The following SLC7A2 variants were observed in gnomAD, a reference collection of about 807,000 sequenced individuals.
SLC7A2 encodes solute carrier family 7 member 2, also known as cationic amino acid transporter 2.
A neutral mutation model predicts 58.9 loss-of-function variants in SLC7A2; 48 were observed. That is an observed-to-expected ratio of 0.82 (90% CI 0.65 to 1.04). The LOEUF is 1.04. Among genes scored for constraint, SLC7A2 ranks in the 50% least tolerant of loss-of-function variants. The pLI, the probability that SLC7A2 is intolerant of heterozygous loss-of-function variation, is 0.00. For missense variants in SLC7A2, 1,029 were observed against 818.8 expected (o/e 1.26, Z -3.13); for synonymous variants, 363 against 314.5 (o/e 1.15, Z -1.63).
chr8:17,535,700 C>T (rs1310202988), intron 2 of SLC7A2, among the ~76,000 whole-genome samples: 7 of 152,084 alleles, frequency 4.6e-5, no homozygotes, highest in African/African-American at 9.7e-5. Context: ...GTAGGGAGTT[C>T]GAAACCAGCC....
chr8:17,548,216 C>T (rs760031675), intron 4 of SLC7A2, among the ~76,000 whole-genome samples: 1 of 152,110 alleles, frequency 6.6e-6, no homozygotes, highest in African/African-American at 2.4e-5. Context: ...TGGCACACAC[C>T]TGTAGTCCCA....
chr8:17,549,561 C>T (rs543940250), intron 5 of SLC7A2, among the ~76,000 whole-genome samples: 1 of 152,338 alleles, frequency 6.6e-6, no homozygotes, highest in South Asian at 2.1e-4. Flanking sequence ...TTGAGTCCTG[C>T]ATCCTTTAGT....
intron 2 of SLC7A2, among the ~76,000 whole-genome samples, chr8:17,532,249 A>C (rs1182329512): frequency 1.1e-4 from 13 of 120,582 alleles, no homozygotes; most frequent in African/African-American, 3.4e-4. Flanking sequence ...AAAAAAAAAA[A>C]AAAAAAAAAA....
At position 17,567,048 on chromosome 8, in the gene SLC7A2, T is replaced by G. The variant is rs567986744; in HGVS notation, c.*1902T>G. 2.0e-5 allele frequency: 3 copies of G among 152,760 alleles called. No individual in the cohort carries two copies. Among genetic ancestry groups the G allele is most frequent in the African/African-American group, 7.2e-5 (3 of 41,562 alleles). The allele number at this position is 152,760 out of a possible 1,614,324, so 9.5% of individuals were successfully genotyped here. ...GTTTCTGGCTGCTAGCGTTATAGCA[T>G]CCATGACACAGAACTCATTACGGAC... On this transcript the variant is annotated 3_prime_UTR_variant, in exon 13 of 13. Transcript: ENST00000494857.
chr8:17,525,280 G>T (rs150160555), intron 2 of SLC7A2, among the ~76,000 whole-genome samples: 1 of 152,062 alleles, frequency 6.6e-6, no homozygotes, highest in Non-Finnish European at 1.5e-5. Flanking sequence ...GGGGATAACC[G>T]TGATCAGATG....
chr8:17,554,568 G>T lies in SLC7A2; in HGVS notation c.1064G>T (p.Gly355Val), dbSNP rs773033006. ...SLCALSTSLL[G>V]SIFPMPRVIY... is the part of the protein sequence containing the mutation. ...GTTTGCTTTTTATTCAGTCTTCTTG[G>T]ATCCATTTTCCCAATGCCTCGTGTA... Residue 355 changes from glycine (G) to valine (V), a missense_variant, in exon 8 of 13, where the codon GGA becomes GTA. Physicochemically the swap from Gly to Val is moderately radical, Grantham distance 109. Coordinates refer to ENST00000494857, the MANE Select transcript of SLC7A2 (RefSeq NM_001370338.1). 1 of 1,602,168 alleles carries T rather than the reference G, an allele frequency of 6.2e-7. No individual in the cohort carries two copies.
intron 2 of SLC7A2, among the ~76,000 whole-genome samples, chr8:17,535,293 C>T (rs1281134340): frequency 6.6e-6 from 1 of 152,132 alleles, no homozygotes; most frequent in Non-Finnish European, 1.5e-5. Context: ...GTCCCCACCG[C>T]CCCCTCCCGC....
intron 11 of SLC7A2, among the ~76,000 whole-genome samples, chr8:17,563,174 A>G (rs1803101627): frequency 1.3e-5 from 2 of 152,106 alleles, no homozygotes; most frequent in Admixed American, 1.3e-4. Flanking sequence ...TTGAACATTA[A>G]AAAGATAAGC....
chr8:17,507,386 TTG>T (rs1159014042), intron 2 of SLC7A2, among the ~76,000 whole-genome samples: 7 of 152,132 alleles, frequency 4.6e-5, no homozygotes, highest in South Asian at 4.1e-4. Context: ...ATTATTATTT[TTG>T]TGTGTGTGGA....
At chr8:17,530,831 C>G (rs140012076) in intron 2 of SLC7A2, among the ~76,000 whole-genome samples, 266 of 152,188 alleles carry the variant, frequency 1.7e-3, no homozygotes, top group African/African-American at 6.2e-3. Context: ...CTTGGCCCCC[C>G]AAAGTGCTGG....
At chr8:17,506,380 A>T (rs1800364096) in intron 2 of SLC7A2, among the ~76,000 whole-genome samples, 2 of 152,228 alleles carry the variant, frequency 1.3e-5, no homozygotes. Context: ...TGGTTATATC[A>T]CTATAAAAAT....
rs201142831 is a variant in SLC7A2, at chr8:17,564,976, A to G, written c.1807A>G (p.Ile603Val). Reference sequence around the variant, plus strand: ...CTTCCTGATTTACTTTTCTTATGGCATTAGACACAGCCTGGAGGGTCATCT... The same window carrying G: ...CTTCCTGATTTACTTTTCTTATGGCGTTAGACACAGCCTGGAGGGTCATCT... The part of the protein sequence containing the change: ...IGFLIYFSYG[I>V]RHSLEGHLRD... Residue 603 changes from isoleucine to valine, a missense_variant, in exon 13 of 13, where the codon ATT becomes GTT. By Grantham distance (29) the Ile-to-Val change is conservative. Coordinates refer to ENST00000494857, the MANE Select transcript of SLC7A2 (RefSeq NM_001370338.1). 5 of 1,609,356 alleles carry G rather than the reference A, an allele frequency of 3.1e-6. No individual in the cohort carries two copies. Among genetic ancestry groups the G allele is most frequent in the Middle Eastern group, 1.7e-4 (1 of 6,042 alleles).
chr8:17,508,211 G>A (rs1173749473), intron 2 of SLC7A2, among the ~76,000 whole-genome samples: 1 of 152,072 alleles, frequency 6.6e-6, no homozygotes, highest in African/African-American at 2.4e-5. Context: ...GAAAATTCCT[G>A]TTGATAGTGC....
Position 17,550,428 on chromosome 8 carries a change from A to G in SLC7A2, c.826A>G (p.Thr276Ala), listed in dbSNP as rs779714873. ...YAFVGFDCIA[T>A]TGEEVRNPQK... ...CTTTGTGGGATTTGACTGCATTGCAACAACTGGTAAGAGCAGTGTCTTGGC... is the reference window on the plus strand; with the variant it reads ...CTTTGTGGGATTTGACTGCATTGCAGCAACTGGTAAGAGCAGTGTCTTGGC... Residue 276 changes from threonine to alanine, a missense_variant, in exon 6 of 13, where the codon ACA becomes GCA. Thr to Ala is a moderately conservative substitution (Grantham distance 58). Transcript: ENST00000494857. 6 of 1,613,362 alleles carry G rather than the reference A, an allele frequency of 3.7e-6. No homozygotes were observed. The highest frequency in any genetic ancestry group is 4.2e-6 in the Non-Finnish European group (5 of 1,179,648).
intron 2 of SLC7A2, among the ~76,000 whole-genome samples, chr8:17,505,697 G>C (rs1800337556): frequency 6.6e-6 from 1 of 152,192 alleles, no homozygotes; most frequent in Admixed American, 6.5e-5. Flanking sequence ...GGTAAGCATA[G>C]TCAGTGCCCT....
intron 4 of SLC7A2, among the ~76,000 whole-genome samples, chr8:17,545,400 TTTC>T (rs1802116024): frequency 6.8e-6 from 1 of 147,724 alleles, no homozygotes; most frequent in Non-Finnish European, 1.5e-5. Flanking sequence ...ATTTGAACAT[TTTC>T]TTTTTTTTTT....
rs149651448 is a variant in SLC7A2, at chr8:17,544,374, TC to T, written c.377-75del. The T allele has an allele frequency of 8.9e-5, 114 of 1,275,108 alleles. No homozygotes were observed. In the African/African-American group the frequency reaches 1.5e-3, roughly 17 times the overall value. 79.0% of individuals were successfully genotyped at this position (1,275,108 alleles called of 1,614,324 possible). A position where few individuals can be genotyped will look rare whatever the true frequency, so the allele number is the denominator to read the frequency against. On this transcript the variant is annotated intron_variant, in intron 3 of 12. Transcript: ENST00000494857. ...TCAATCTTTTGTGAACTCATGTTTA[TC>T]CTATAATAGAGTAGCAAATGATGCT...
At chr8:17,521,517 C>T (rs1474718045) in intron 2 of SLC7A2, among the ~76,000 whole-genome samples, 2 of 152,214 alleles carry the variant, frequency 1.3e-5, no homozygotes, top group African/African-American at 4.8e-5. Context: ...TCACACTCAT[C>T]CCTGTCTGCC....
intron 2 of SLC7A2, among the ~76,000 whole-genome samples, chr8:17,518,795 T>A (rs1375818418): frequency 6.6e-6 from 1 of 152,196 alleles, no homozygotes; most frequent in South Asian, 2.1e-4. Flanking sequence ...CATCTTAGTC[T>A]GCTTGAGCTG....
Sources: allele counts gnomAD v4.1 joint callset (sites outside exome capture counted in the v4.1 genomes callset), GRCh38; gene constraint gnomAD v4.1.1; transcripts MANE v1.5; gene names NCBI Gene and HGNC (gene_info 2026-07-23, HGNC 2026-07-21).